Variants in VWA8 observed in about 807,000 individuals in gnomAD.
VWA8 encodes the protein von Willebrand factor A domain containing 8.
VWA8 carries 221 observed loss-of-function variants against 241.5 expected under a neutral mutation model. That is an observed-to-expected ratio of 0.91 (90% CI 0.82 to 1.02). VWA8 has a LOEUF of 1.02. Ranked by LOEUF, VWA8 falls within the 50% of genes least tolerant of loss-of-function variation. VWA8 has a pLI of 0.00. For missense variants in VWA8, 2,322 were observed against 2,328.7 expected (o/e 1.00, Z 0.06); for synonymous variants, 852 against 827.1 (o/e 1.03, Z -0.52).
At chr13:41,646,242 A>C (rs564747571) in intron 37 of VWA8, among the ~76,000 whole-genome samples, 28 of 152,286 alleles carry the variant, frequency 1.8e-4, no homozygotes, top group African/African-American at 6.7e-4. Flanking sequence ...CTGGGATTAC[A>C]GGTGTGAGCC....
At chr13:41,937,281 T>C (rs896191981) in intron 2 of VWA8, among the ~76,000 whole-genome samples, 5 of 152,316 alleles carry the variant, frequency 3.3e-5, no homozygotes, top group Admixed American at 2.0e-4. Context: ...TATTATTACA[T>C]TGCAATATAT....
intron 17 of VWA8, among the ~76,000 whole-genome samples, chr13:41,799,446 AC>A (rs1869849459): frequency 6.6e-6 from 1 of 152,182 alleles, no homozygotes; most frequent in East Asian, 1.9e-4. Flanking sequence ...CCTCATGGTG[AC>A]AGTTTCTTTC....
At chr13:41,572,562 A>AGAT (rs1462100510) in intron 43 of VWA8, among the ~76,000 whole-genome samples, 1 of 152,072 alleles carries the variant, frequency 6.6e-6, no homozygotes. Context: ...GGGCGGTGCA[A>AGAT]GATGTGCTTT....
At chr13:41,594,899 A>G (rs568438967) in intron 40 of VWA8, among the ~76,000 whole-genome samples, 35 of 152,360 alleles carry the variant, frequency 2.3e-4, no homozygotes, top group African/African-American at 8.2e-4. Flanking sequence ...CAAAGGCAAG[A>G]TTCCCCCAAG....
chr13:41,751,198 T>C (rs886215945), intron 21 of VWA8, among the ~76,000 whole-genome samples: 1 of 152,020 alleles, frequency 6.6e-6, no homozygotes, highest in Non-Finnish European at 1.5e-5. Flanking sequence ...TCAAAAATTA[T>C]TACAAACCTA....
chr13:41,599,323 T>C (rs1363972450), intron 40 of VWA8, among the ~76,000 whole-genome samples: 1 of 152,152 alleles, frequency 6.6e-6, no homozygotes, highest in Non-Finnish European at 1.5e-5. Flanking sequence ...TCCCTTATTA[T>C]TTCTGCTTGC....
chr13:41,691,900 G>GT lies in VWA8; in HGVS notation c.3713dup (p.Asn1238LysfsTer58). 1.2e-6 allele frequency: 2 copies of GT among 1,610,558 alleles called. No homozygotes were observed. The highest frequency in any genetic ancestry group is 1.7e-6 in the Non-Finnish European group (2 of 1,177,424). On this transcript the variant is annotated frameshift_variant, in exon 31 of 45. Coordinates refer to ENST00000379310, the MANE Select transcript of VWA8 (RefSeq NM_015058.2). LOFTEE classifies it high-confidence loss of function. The stretch of plus-strand genomic sequence containing the variant: ...CTTTTTCTTTGTAGAACACCAGCCA[G>GT]TTTTTGTGTGAAAATTCTTTACACA...
intron 26 of VWA8, among the ~76,000 whole-genome samples, chr13:41,718,307 T>C (rs1383205639): frequency 6.6e-6 from 1 of 151,952 alleles, no homozygotes; most frequent in East Asian, 1.9e-4. Flanking sequence ...TAATAGAAAG[T>C]TTGCATATTA....
intron 17 of VWA8, among the ~76,000 whole-genome samples, chr13:41,790,223 T>C (rs1869393453): frequency 6.6e-6 from 1 of 152,122 alleles, no homozygotes; most frequent in African/African-American, 2.4e-5. Flanking sequence ...CCAAATAGTC[T>C]TTCCTGCAAG....
intron 14 of VWA8, among the ~76,000 whole-genome samples, chr13:41,824,616 C>A (rs562789601): frequency 1.3e-5 from 2 of 151,816 alleles, no homozygotes; most frequent in African/African-American, 4.8e-5. Context: ...CTGCTTGAGG[C>A]TAGGAGTTCA....
rs200020794 is a variant in VWA8 at position 41,811,202 on chromosome 13, G to T, written c.2063+23C>A. The T allele has an allele frequency of 1.5e-3, 2,416 of 1,567,294 alleles. 3 individuals carry two copies. Among genetic ancestry groups the T allele is most frequent in the Admixed American group, 1.9e-3 (112 of 59,446 alleles). ...TTAGTGAAGATCCAGAAACTTACAC[G>T]CAGTGAGAAAGAATATGTTTACCTG... On this transcript the variant is annotated intron_variant, in intron 17 of 44. Coordinates refer to ENST00000379310, the MANE Select transcript of VWA8 (RefSeq NM_015058.2).
At chr13:41,624,283 C>CA (rs1167556060) in intron 37 of VWA8, among the ~76,000 whole-genome samples, 1 of 152,038 alleles carries the variant, frequency 6.6e-6, no homozygotes, top group Non-Finnish European at 1.5e-5. Context: ...AAATGATTCT[C>CA]AAAAAATCTA....
Position 41,868,712 on chromosome 13 carries a change from C to T in VWA8, c.1081-235G>A, listed in dbSNP as rs561813908. Among the ~76,000 whole-genome samples the T allele has an allele frequency of 2.6e-3, 398 of 151,576 alleles. 2 individuals are homozygous for T. The highest frequency in any genetic ancestry group is 9.2e-3 in the African/African-American group (382 of 41,364). ...CATCCTGGCTAACACGGTGAAACCC[C>T]GTCTCTACTAAAAAATAGAAAAAAA... On this transcript the variant is annotated intron_variant, in intron 9 of 44. Coordinates refer to ENST00000379310, the MANE Select transcript of VWA8 (RefSeq NM_015058.2).
chr13:41,661,834 C>T (rs2044952000), intron 37 of VWA8, among the ~76,000 whole-genome samples: 1 of 152,066 alleles, frequency 6.6e-6, no homozygotes, highest in South Asian at 2.1e-4. Flanking sequence ...ATTGAAAAAT[C>T]AACAAGGTTT....
intron 40 of VWA8, among the ~76,000 whole-genome samples, chr13:41,603,882 C>T (rs544893190): frequency 1.3e-5 from 2 of 152,130 alleles, no homozygotes; most frequent in Non-Finnish European, 2.9e-5. Flanking sequence ...CTCCATGAAG[C>T]CTTTCCTCAT....
intron 12 of VWA8, among the ~76,000 whole-genome samples, chr13:41,840,086 C>A (rs569900609): frequency 1.3e-5 from 2 of 152,284 alleles, no homozygotes; most frequent in South Asian, 4.1e-4. Flanking sequence ...AGGTCCTTCA[C>A]ATCCTTTGTA....
chr13:41,946,890 T>C (rs984059802), intron 2 of VWA8, among the ~76,000 whole-genome samples: 2 of 152,128 alleles, frequency 1.3e-5, no homozygotes, highest in Non-Finnish European at 2.9e-5. Flanking sequence ...AGAACGCCAT[T>C]AAAACAATTT....
At chr13:41,861,204 C>A (rs532514663) in intron 12 of VWA8, among the ~76,000 whole-genome samples, 17 of 151,764 alleles carry the variant, frequency 1.1e-4, no homozygotes, top group Admixed American at 9.2e-4. Flanking sequence ...GTGCGAGACT[C>A]CATCTCAAAA....
intron 17 of VWA8, among the ~76,000 whole-genome samples, chr13:41,805,210 G>T (rs75596297): frequency 6.6e-6 from 1 of 151,812 alleles, no homozygotes; most frequent in African/African-American, 2.4e-5. Context: ...TAAAGGGACA[G>T]AAAAAAATAT....
Sources: allele counts gnomAD v4.1 joint callset (sites outside exome capture counted in the v4.1 genomes callset), GRCh38; gene constraint gnomAD v4.1.1; transcripts MANE v1.5; gene names NCBI Gene and HGNC (gene_info 2026-07-23, HGNC 2026-07-21).